Variants in ATOSA observed in about 807,000 individuals in gnomAD.
ATOSA encodes the protein atos homolog protein A.
the ATOSA span, chr15:52,677,878 CA>C: frequency 1.0e-5 from 14 of 1,338,562 alleles, no homozygotes; most frequent in South Asian, 1.4e-4. Flanking sequence ...GAATCTGTCA[CA>C]AAAACAGATA....
At chr15:52,662,639 G>A in the ATOSA span, among the ~76,000 whole-genome samples, 19 of 151,354 alleles carry the variant, frequency 1.3e-4, 1 homozygote, top group South Asian at 1.0e-3. Context: ...GCACGGTGGC[G>A]GGTGCCTGTA....
chr15:52,694,825 T>C, the ATOSA span, among the ~76,000 whole-genome samples: 4 of 152,254 alleles, frequency 2.6e-5, no homozygotes, highest in East Asian at 7.7e-4. Context: ...AAATCTATTA[T>C]ACCTTTTAAA....
At chr15:52,707,284 A>G in the ATOSA span, among the ~76,000 whole-genome samples, 1 of 152,338 alleles carries the variant, frequency 6.6e-6, no homozygotes, top group Admixed American at 6.5e-5. Flanking sequence ...TTGCAAAGGA[A>G]CAAGTAGTAA....
the ATOSA span, among the ~76,000 whole-genome samples, chr15:52,665,374 A>G: frequency 5.9e-5 from 9 of 152,244 alleles, no homozygotes; most frequent in Non-Finnish European, 8.8e-5. Flanking sequence ...GAAGGAAAAC[A>G]AGATACAAAT....
At chr15:52,666,493 G>A in the ATOSA span, among the ~76,000 whole-genome samples, 1 of 152,112 alleles carries the variant, frequency 6.6e-6, no homozygotes, top group Non-Finnish European at 1.5e-5. Context: ...CATCTCATTT[G>A]ATCCCCCAAT....
the ATOSA span, among the ~76,000 whole-genome samples, chr15:52,633,132 T>A: frequency 4.6e-5 from 7 of 152,218 alleles, no homozygotes; most frequent in African/African-American, 1.7e-4. Flanking sequence ...AGGTTGGGCC[T>A]GTATACATAG....
At chr15:52,650,523 T>G in the ATOSA span, among the ~76,000 whole-genome samples, 38 of 152,324 alleles carry the variant, frequency 2.5e-4, 2 homozygotes, top group South Asian at 7.7e-3. Context: ...CATAGTATTG[T>G]TACAAAGATC....
the ATOSA span, among the ~76,000 whole-genome samples, chr15:52,630,936 A>G: frequency 1.1e-4 from 17 of 152,344 alleles, no homozygotes; most frequent in Admixed American, 1.0e-3. Flanking sequence ...CAAGCTAAAC[A>G]ACATAGTTTA....
the ATOSA span, chr15:52,605,302 T>G: frequency 7.8e-7 from 1 of 1,284,230 alleles, no homozygotes; most frequent in Non-Finnish European, 1.1e-6. Flanking sequence ...TTTAAAGAAC[T>G]TGGACAGTGT....
At chr15:52,665,507 C>T in the ATOSA span, among the ~76,000 whole-genome samples, 1 of 151,874 alleles carries the variant, frequency 6.6e-6, no homozygotes. Flanking sequence ...AGGGGAAATA[C>T]AATTTTTCTT....
the ATOSA span, among the ~76,000 whole-genome samples, chr15:52,599,185 T>G: frequency 2.7e-3 from 415 of 152,352 alleles, 2 homozygotes; most frequent in Non-Finnish European, 5.1e-3. Flanking sequence ...TCTTTTTCAC[T>G]TATACATTTT....
the ATOSA span, among the ~76,000 whole-genome samples, chr15:52,584,124 T>C: frequency 6.9e-6 from 1 of 144,718 alleles, no homozygotes; most frequent in African/African-American, 2.6e-5. Flanking sequence ...AAATATAAAA[T>C]GATTTATATG....
At chr15:52,649,509 A>G in the ATOSA span, 1 of 152,174 alleles carries the variant, frequency 6.6e-6, no homozygotes, top group Admixed American at 6.5e-5. Flanking sequence ...ATCAAAAACA[A>G]TCTGTTTTAC....
the ATOSA span, among the ~76,000 whole-genome samples, chr15:52,635,879 C>G: frequency 6.6e-6 from 1 of 151,544 alleles, no homozygotes; most frequent in South Asian, 2.1e-4. Flanking sequence ...GCCTGTAATC[C>G]CAGCTACTTG....
At chr15:52,610,203 C>A in the ATOSA span, 1 of 1,613,890 alleles carries the variant, frequency 6.2e-7, no homozygotes, top group South Asian at 1.1e-5. Flanking sequence ...GAATTCTTTT[C>A]TCATAAAGGC....
At chr15:52,694,998 C>T in the ATOSA span, among the ~76,000 whole-genome samples, 1 of 150,652 alleles carries the variant, frequency 6.6e-6, no homozygotes, top group African/African-American at 2.4e-5. Context: ...GATCCCGGCT[C>T]ACTGCAACCT....
the ATOSA span, among the ~76,000 whole-genome samples, chr15:52,614,847 CA>C: frequency 6.3e-4 from 89 of 140,426 alleles, 2 homozygotes; most frequent in South Asian, 0.012. Context: ...GACTTTGTCT[CA>C]AAAAAAAAAA....
At chr15:52,702,779 CAAAAAAA>C in the ATOSA span, among the ~76,000 whole-genome samples, 2 of 91,910 alleles carry the variant, frequency 2.2e-5, no homozygotes, top group African/African-American at 4.1e-5. Flanking sequence ...AAAGTGTTTC[CAAAAAAA>C]AAAAAAAAAA....
At chr15:52,675,071 T>C in the ATOSA span, among the ~76,000 whole-genome samples, 1 of 152,166 alleles carries the variant, frequency 6.6e-6, no homozygotes, top group Non-Finnish European at 1.5e-5. Flanking sequence ...GGAACAAGTA[T>C]AAAAACACAG....
Sources: gnomAD v4.1 joint callset for allele counts (sites outside exome capture counted in the v4.1 genomes callset) on GRCh38, gnomAD v4.1.1 for gene constraint, MANE v1.5 for transcripts, NCBI Gene and HGNC (gene_info 2026-07-23, HGNC 2026-07-21) for gene names.